HERC5: variants seen among roughly 807,000 people sequenced by gnomAD.
The protein encoded by HERC5 is HECT and RLD domain containing E3 ubiquitin protein ligase 5, also known as E3 ISG15--protein ligase HERC5.
In HERC5, 99 loss-of-function variants were observed where a neutral mutation model predicts 119.6. The observed-to-expected ratio is 0.83, with a 90% CI of 0.70 to 0.98. The LOEUF is 0.98. HERC5 is among the 50% of genes least tolerant of loss of function. HERC5 has a pLI of 0.00. For missense variants in HERC5, 1,267 were observed against 1,241.3 expected (o/e 1.02, Z -0.31); for synonymous variants, 478 against 445.9 (o/e 1.07, Z -0.91).
At chr4:88,479,061 G>T (rs569331119) in intron 12 of HERC5, among the ~76,000 whole-genome samples, 1 of 152,058 alleles carries the variant, frequency 6.6e-6, no homozygotes, top group Non-Finnish European at 1.5e-5. Flanking sequence ...AAAGGTGGGC[G>T]GATCACCTGA....
Position 88,457,179 on chromosome 4 carries a change from C to A in HERC5, c.-91C>A. 1 of 1,237,360 alleles carries A rather than the reference C, an allele frequency of 8.1e-7. No individual in the cohort carries two copies. The highest frequency in any genetic ancestry group is 1.0e-6 in the Non-Finnish European group (1 of 989,866). 76.6% of individuals were successfully genotyped at this position (1,237,360 alleles called of 1,614,324 possible). ...CTGCGCGCAGCTGGTTCCCGCTCTG[C>A]AGCGCAACGCCTGAGGCAGTGGGCG... is the stretch of plus-strand genomic sequence containing the variant. On this transcript the variant is annotated 5_prime_UTR_variant, in exon 1 of 23. Transcript: ENST00000264350.
In HERC5 at chr4:88,463,624, GTGGGTGTACC is replaced by G. The variant is rs1268312425; in HGVS notation, c.780+2_780+11del. 1 of 1,611,568 alleles carries G rather than the reference GTGGGTGTACC, an allele frequency of 6.2e-7. No individual in the cohort carries two copies. The highest frequency in any genetic ancestry group is 8.5e-7 in the Non-Finnish European group (1 of 1,178,012). ...CTCTCACAGTGCCCTACTCACACAG[GTGGGTGTACC>G]CTTGTCTCTTTTTGGCTGTATTTTT... On this transcript the variant is annotated splice_donor_variant and splice_donor_5th_base_variant and intron_variant, in intron 5 of 22. Transcript: ENST00000264350. LOFTEE classifies it high-confidence loss of function.
intron 12 of HERC5, among the ~76,000 whole-genome samples, chr4:88,477,610 G>A (rs958468976): frequency 2.2e-5 from 3 of 138,834 alleles, no homozygotes; most frequent in Non-Finnish European, 4.7e-5. Context: ...GGGAGGGAGG[G>A]AAGGAAGGAA....
chr4:88,474,304 A>G (rs989440363), intron 11 of HERC5, among the ~76,000 whole-genome samples: 1 of 152,236 alleles, frequency 6.6e-6, no homozygotes, highest in African/African-American at 2.4e-5. Context: ...ACTCAAAACA[A>G]GTTGCCCAGA....
chr4:88,479,207 C>G (rs1457838324), intron 12 of HERC5, 146 bp from the exon 13 acceptor site: 1 of 478,878 alleles, frequency 2.1e-6, no homozygotes, highest in Non-Finnish European at 3.5e-6. Context: ...ATTGCTTGAA[C>G]CTGGGAGGCA....
chr4:88,486,240 A>G lies in HERC5; in HGVS notation c.1851+12A>G, dbSNP rs374895568. On this transcript the variant is annotated intron_variant, in intron 14 of 22. Coordinates refer to ENST00000264350, the MANE Select transcript of HERC5 (RefSeq NM_016323.4). ...GGAAAATGACTGTGGTAGGTATAGCATGTTTAAAGGGGGAAATTGATAATC... is the reference window on the plus strand; with the variant it reads ...GGAAAATGACTGTGGTAGGTATAGCGTGTTTAAAGGGGGAAATTGATAATC... 11 of 1,472,416 alleles carry G rather than the reference A, an allele frequency of 7.5e-6. No individual in the cohort carries two copies. The highest frequency in any genetic ancestry group is 1.4e-5 in the African/African-American group (1 of 71,760). The allele number at this position is 1,472,416 out of a possible 1,614,324, so 91.2% of individuals were successfully genotyped here. A position where few individuals can be genotyped will look rare whatever the true frequency, so the allele number is the denominator to read the frequency against.
At chr4:88,483,441 C>T (rs1398342435) in intron 13 of HERC5, among the ~76,000 whole-genome samples, 1 of 150,166 alleles carries the variant, frequency 6.7e-6, no homozygotes, top group African/African-American at 2.4e-5. Context: ...CTCCTGGCCT[C>T]AAGTGATTCT....
intron 2 of HERC5, among the ~76,000 whole-genome samples, 165 bp downstream of exon 2, chr4:88,459,635 A>G (rs1314672555): frequency 6.6e-6 from 1 of 152,174 alleles, no homozygotes; most frequent in Non-Finnish European, 1.5e-5. Context: ...CAGGGCAGGT[A>G]TCATGTGTTG....
At chr4:88,489,966 G>A (rs1192594818) in intron 16 of HERC5, among the ~76,000 whole-genome samples, 5 of 152,104 alleles carry the variant, frequency 3.3e-5, no homozygotes, top group African/African-American at 1.2e-4. Context: ...CCGAGATCAT[G>A]CCACTGCATT....
chr4:88,459,722 T>A (rs1432878067), intron 2 of HERC5, among the ~76,000 whole-genome samples: 1 of 152,134 alleles, frequency 6.6e-6, no homozygotes, highest in Non-Finnish European at 1.5e-5. Context: ...ACTCATTTGA[T>A]CCTCACAATA....
In HERC5 at chr4:88,479,474, A is replaced by G; in HGVS notation, c.1704A>G (p.Gln568=). The G allele has an allele frequency of 1.2e-6, 2 of 1,609,888 alleles. No individual in the cohort carries two copies. The highest frequency in any genetic ancestry group is 1.7e-6 in the Non-Finnish European group (2 of 1,178,844). The change falls in exon 13 of 23, where the codon CAA becomes CAG. Residue 568 remains glutamine (Q), a synonymous_variant. Coordinates refer to ENST00000264350, the MANE Select transcript of HERC5 (RefSeq NM_016323.4). ...DESAEENGNV[Q]ALLEMLKKLH... ...GTGCTGAGGAGAATGGTAATGTTCA[A>G]GCTCTCCTAGAAATGTTGAAGAAGC...
At chr4:88,464,189 TTTAAA>T (rs1280864962) in intron 6 of HERC5, among the ~76,000 whole-genome samples, 4 of 151,132 alleles carry the variant, frequency 2.6e-5, no homozygotes, top group Admixed American at 6.6e-5. Context: ...TTTTTTTTTT[TTTAAA>T]TGAGCAGATA....
chr4:88,499,660 A>G (rs919109888), intron 18 of HERC5, among the ~76,000 whole-genome samples: 6 of 152,248 alleles, frequency 3.9e-5, no homozygotes, highest in Non-Finnish European at 5.9e-5. Context: ...GAAACCTACA[A>G]TCATTAGGTA....
chr4:88,461,365 A>G (rs893294781), intron 3 of HERC5, among the ~76,000 whole-genome samples: 2 of 152,200 alleles, frequency 1.3e-5, no homozygotes, highest in African/African-American at 4.8e-5. Flanking sequence ...AGAGTTTATT[A>G]CTAGTAAATC....
chr4:88,502,497 G>T (rs1463104185), intron 20 of HERC5, among the ~76,000 whole-genome samples: 1 of 152,166 alleles, frequency 6.6e-6, no homozygotes. Flanking sequence ...CAGAGCATGC[G>T]TGGGGAAATT....
At chr4:88,458,048 G>A in intron 1 of HERC5, 3 of 985,964 alleles carry the variant, frequency 3.0e-6, no homozygotes, top group Non-Finnish European at 3.6e-6. Context: ...GAAGAAATTG[G>A]TATCTTGCTG....
chr4:88,468,787 G>C (rs994518901), intron 8 of HERC5, among the ~76,000 whole-genome samples: 1 of 152,210 alleles, frequency 6.6e-6, no homozygotes, highest in Non-Finnish European at 1.5e-5. Context: ...CAAATAAAAA[G>C]TCCATAACTT....
Position 88,486,309 on chromosome 4 carries a change from A to G in HERC5, c.1851+81A>G. 4.0e-6 allele frequency: 3 copies of G among 756,610 alleles called. No homozygotes were observed. In the Admixed American group the frequency reaches 7.0e-5, roughly 18 times the overall value. 46.9% of individuals were successfully genotyped at this position (756,610 alleles called of 1,614,324 possible). On this transcript the variant is annotated intron_variant, in intron 14 of 22. Coordinates refer to ENST00000264350, the MANE Select transcript of HERC5 (RefSeq NM_016323.4). The stretch of plus-strand genomic sequence containing the variant: ...TTTCTTGTCCTCTGCAAAATTGCAC[A>G]ATAGAAATAGCAGGACTTGTGGGAA...
chr4:88,502,794 G>T lies in HERC5; in HGVS notation c.2583-1438G>T, dbSNP rs866048082. ...ATTACTAATGTTAAGCACTTTATAT[G>T]CTTATTGGCTGTTTGGATATCCTCT... On this transcript the variant is annotated intron_variant, in intron 20 of 22. Transcript: ENST00000264350. 3.3e-5 allele frequency among the ~76,000 whole-genome samples: 5 copies of T among 151,722 alleles called. No homozygotes were observed. The South Asian group carries it at 8.3e-4, about 25-fold the overall frequency.
Sources: allele counts gnomAD v4.1 joint callset (sites outside exome capture counted in the v4.1 genomes callset), GRCh38; gene constraint gnomAD v4.1.1; transcripts MANE v1.5; gene names NCBI Gene and HGNC (gene_info 2026-07-23, HGNC 2026-07-21).